AKAP13: variants seen among roughly 807,000 people sequenced by gnomAD.
The protein encoded by AKAP13 is A-kinase anchoring protein 13.
AKAP13 carries 80 observed loss-of-function variants against 264.5 expected under a neutral mutation model. The observed-to-expected ratio is 0.30, with a 90% CI of 0.25 to 0.36. The LOEUF (loss-of-function observed/expected upper bound fraction) is 0.36. Among genes scored for constraint, AKAP13 ranks in the 10% least tolerant of loss-of-function variants. The pLI is 1.00. For synonymous variants in AKAP13, 1,380 were observed against 1,250.2 expected, an observed-to-expected ratio of 1.10 and a Z score of -2.19; for missense variants, 3,712 against 3,435.2, an observed-to-expected ratio of 1.08 and a Z score of -2.01.
chr15:85,561,144 GC>G (rs2151262914), intron 5 of AKAP13, among the ~76,000 whole-genome samples: 1 of 138,866 alleles, frequency 7.2e-6, no homozygotes, highest in African/African-American at 2.7e-5. Flanking sequence ...TGCAACCTCC[GC>G]CCCCCAGGTT....
rs754973526 is a variant in AKAP13 at position 85,727,333 on chromosome 15, ATTGACATCT to A, written c.7005-46_7005-38del. ...AACAGGCTGGACTGTGACCAGAGTA[ATTGACATCT>A]TAGGAATTTTTTGTTCTGTCTTGTT... On this transcript the variant is annotated intron_variant, in intron 28 of 36. Coordinates refer to ENST00000394518, the MANE Select transcript of AKAP13 (RefSeq NM_007200.5). The surrounding 1 kb of genome is among the most constrained non-coding windows in gnomAD (Gnocchi z 5.3). The A allele has an allele frequency of 6.2e-7, 1 of 1,613,796 alleles. No homozygotes were observed. The highest frequency in any genetic ancestry group is 1.7e-5 in the Admixed American group (1 of 60,008).
chr15:85,451,751 G>A (rs1225507415), intron 1 of AKAP13, among the ~76,000 whole-genome samples: 1 of 152,190 alleles, frequency 6.6e-6, no homozygotes, highest in African/African-American at 2.4e-5. Context: ...GCCTGATGGG[G>A]ATCCCTTTGC....
chr15:85,637,419 T>C (rs2082111964), intron 8 of AKAP13, among the ~76,000 whole-genome samples: 1 of 152,212 alleles, frequency 6.6e-6, no homozygotes, highest in Non-Finnish European at 1.5e-5. Flanking sequence ...CTTGATGAAT[T>C]TATTGCAGTA....
At chr15:85,548,448 C>G (rs547271398) in intron 5 of AKAP13, among the ~76,000 whole-genome samples, 11 of 152,206 alleles carry the variant, frequency 7.2e-5, no homozygotes, top group Non-Finnish European at 1.3e-4. Context: ...GGTAGAACTG[C>G]TTACGGATTA....
rs1193441799 is a variant in AKAP13, at chr15:85,381,820, G to A, written c.-12+1022G>A. 2.7e-5 allele frequency: 4 copies of A among 150,734 alleles called. No homozygotes were observed. In the East Asian group the frequency reaches 5.8e-4, roughly 22 times the overall value. The allele number at this position is 150,734 out of a possible 1,614,324, so 9.3% of individuals were successfully genotyped here. The stretch of plus-strand genomic sequence containing the variant: ...TAAAAACCAGTGTGCCTTTTTTTTT[G>A]TTAGTAGTCCCCCCCACAACAAGTG... On this transcript the variant is annotated intron_variant, in intron 1 of 36. Transcript: ENST00000394518.
At chr15:85,536,043 C>G (rs1008412678) in intron 4 of AKAP13, 1 of 152,246 alleles carries the variant, frequency 6.6e-6, no homozygotes, top group Non-Finnish European at 1.5e-5. Context: ...CTCAGGCAAT[C>G]CACCCGCCTC....
At chr15:85,618,175 A>T (rs183177928) in intron 8 of AKAP13, among the ~76,000 whole-genome samples, 1 of 152,232 alleles carries the variant, frequency 6.6e-6, no homozygotes, top group African/African-American at 2.4e-5. Context: ...CAGTCTTCTT[A>T]GCAGGGTTTG....
Position 85,576,766 on chromosome 15 carries a change from C to G in AKAP13, c.861+1437C>G, listed in dbSNP as rs546546117. 2.0e-5 allele frequency among the ~76,000 whole-genome samples: 3 copies of G among 152,310 alleles called. No homozygotes were observed. The East Asian group carries it at 5.8e-4, about 29-fold the overall frequency. ...AGAGCACGTGACATTTCATTTTCCT[C>G]TGAATGGACTTCTAGGCAATCAGGT... On this transcript the variant is annotated intron_variant, in intron 6 of 36. Coordinates refer to ENST00000394518, the MANE Select transcript of AKAP13 (RefSeq NM_007200.5).
intron 17 of AKAP13, among the ~76,000 whole-genome samples, chr15:85,698,071 T>G (rs563394150): frequency 6.6e-6 from 1 of 152,340 alleles, no homozygotes; most frequent in African/African-American, 2.4e-5. Flanking sequence ...TTATTTATTG[T>G]GAACTTGTTT....
At chr15:85,475,796 G>A (rs2075141561) in intron 1 of AKAP13, among the ~76,000 whole-genome samples, 1 of 152,158 alleles carries the variant, frequency 6.6e-6, no homozygotes, top group Non-Finnish European at 1.5e-5. Context: ...AGCTATAACT[G>A]TGGATCCCTT....
rs1005543883 is a variant in AKAP13, at chr15:85,718,630, A to G, written c.6002-446A>G. Among the ~76,000 whole-genome samples, 2 of 152,188 alleles carry G rather than the reference A, an allele frequency of 1.3e-5. No individual in the cohort carries two copies. Among genetic ancestry groups the G allele is most frequent in the South Asian group, 4.1e-4 (2 of 4,830 alleles). The stretch of plus-strand genomic sequence containing the variant: ...AAGACGAAAACACTTGACCAGGCTC[A>G]GCGGCTCATACCTGTAATCCCAGCA... On this transcript the variant is annotated intron_variant, in intron 22 of 36. Coordinates refer to ENST00000394518, the MANE Select transcript of AKAP13 (RefSeq NM_007200.5). The surrounding 1 kb of genome is among the most constrained non-coding windows in gnomAD (Gnocchi z 4.9).
intron 10 of AKAP13, among the ~76,000 whole-genome samples, chr15:85,649,351 G>T (rs899481819): frequency 6.6e-6 from 1 of 152,206 alleles, no homozygotes; most frequent in Non-Finnish European, 1.5e-5. Context: ...AATAGCCAGT[G>T]ATTAAATAAA....
chr15:85,710,471 C>A, intron 18 of AKAP13, 108 bp from the exon 19 acceptor site: 1 of 1,087,918 alleles, frequency 9.2e-7, no homozygotes, highest in Non-Finnish European at 1.3e-6. Context: ...TAGGGCAGTG[C>A]AAAAAGCAGA....
intron 23 of AKAP13, among the ~76,000 whole-genome samples, chr15:85,720,947 G>T (rs2087246194): frequency 6.6e-6 from 1 of 152,226 alleles, no homozygotes; most frequent in South Asian, 2.1e-4. Flanking sequence ...AATGAACACA[G>T]ATAGCTGCAA....
chr15:85,488,692 A>C (rs772259759), intron 2 of AKAP13, among the ~76,000 whole-genome samples: 3 of 152,234 alleles, frequency 2.0e-5, no homozygotes, highest in Non-Finnish European at 4.4e-5. Flanking sequence ...CTGCTGGCTT[A>C]GAACATGGAG....
At chr15:85,550,961 G>A (rs1447951711) in intron 5 of AKAP13, among the ~76,000 whole-genome samples, 3 of 152,122 alleles carry the variant, frequency 2.0e-5, no homozygotes, top group Non-Finnish European at 4.4e-5. Context: ...CTTTACTTGC[G>A]TTTTCATTTA....
intron 19 of AKAP13, among the ~76,000 whole-genome samples, chr15:85,713,909 T>C (rs2086771514): frequency 6.6e-6 from 1 of 152,154 alleles, no homozygotes. Context: ...TTTAGCAAAT[T>C]AGATCTCCAG....
At position 85,727,594 on chromosome 15, in the gene AKAP13, A is replaced by G. The variant is rs1597193300; in HGVS notation, c.7087+131A>G. On this transcript the variant is annotated intron_variant, in intron 29 of 36. Coordinates refer to ENST00000394518, the MANE Select transcript of AKAP13 (RefSeq NM_007200.5). The surrounding 1 kb of genome is among the most constrained non-coding windows in gnomAD (Gnocchi z 5.3). ...CCCCAGCAGGCACTTGAAAGCAGCA[A>G]AATGAATAGCTGTTAACAAAAGAGA... 2.2e-6 allele frequency: 2 copies of G among 889,242 alleles called. No individual in the cohort carries two copies. Among genetic ancestry groups the G allele is most frequent in the East Asian group, 5.3e-5 (2 of 37,950 alleles). 55.1% of individuals were successfully genotyped at this position (889,242 alleles called of 1,614,324 possible).
chr15:85,518,697 C>T (rs530757078), intron 2 of AKAP13, among the ~76,000 whole-genome samples: 8 of 152,148 alleles, frequency 5.3e-5, no homozygotes, highest in African/African-American at 1.7e-4. Flanking sequence ...GAAGTGGTGG[C>T]GCATGCCTGT....
Sources: allele counts gnomAD v4.1 joint callset (sites outside exome capture counted in the v4.1 genomes callset), GRCh38; gene constraint gnomAD v4.1.1; non-coding constraint Gnocchi (gnomAD v3.1); transcripts MANE v1.5; gene names NCBI Gene and HGNC (gene_info 2026-07-23, HGNC 2026-07-21).